KIAA0319L: variants seen among roughly 807,000 people sequenced by gnomAD.
KIAA0319L encodes KIAA0319 like, also known as dyslexia-associated protein KIAA0319-like protein.
In KIAA0319L, 55 loss-of-function variants were observed where a neutral mutation model predicts 120.1. That is an observed-to-expected ratio of 0.46 (90% CI 0.37 to 0.57). The LOEUF (loss-of-function observed/expected upper bound fraction) is 0.57, where lower values mean the gene tolerates loss of function less well. KIAA0319L is among the 20% of genes least tolerant of loss of function. The probability of loss-of-function intolerance (pLI) is 0.00; values close to 1 mark genes in which losing one functional copy is unlikely to be tolerated. For missense variants in KIAA0319L, 1,049 were observed against 1,255.3 expected (o/e 0.84, Z 2.48); for synonymous variants, 398 against 471.9 (o/e 0.84, Z 2.03).
chr1:35,452,359 TGTGG>T (rs1468667113), intron 12 of KIAA0319L, among the ~76,000 whole-genome samples: 1 of 152,170 alleles, frequency 6.6e-6, no homozygotes, highest in African/African-American at 2.4e-5. Flanking sequence ...TCTTCCCCCT[TGTGG>T]CCTCAGAGAC....
Position 35,442,963 on chromosome 1 carries a change from G to C in KIAA0319L, c.2722C>G (p.Pro908Ala). ...DSFTKRCICD[P>A]FWMENFIKVQ... ...TTGATGAAATTCTCCATCCAAAAAG[G>C]GTCACAGATACAGCGTTTGGTGAAC... The change falls in exon 18 of 21, where the codon CCT becomes GCT. Residue 908 changes from proline to alanine, a missense_variant. Physicochemically the swap from Pro to Ala is conservative, Grantham distance 27. Coordinates refer to ENST00000325722, the MANE Select transcript of KIAA0319L (RefSeq NM_024874.5). The C allele has an allele frequency of 6.2e-7, 1 of 1,614,120 alleles. No individual in the cohort carries two copies.
chr1:35,507,200 G>C, intron 2 of KIAA0319L, 65 bp from the exon 3 acceptor site: 3 of 1,449,896 alleles, frequency 2.1e-6, no homozygotes, highest in Non-Finnish European at 2.8e-6. Flanking sequence ...TCCATAAAGA[G>C]CCCTGAGAAC....
intron 2 of KIAA0319L, among the ~76,000 whole-genome samples, chr1:35,513,187 G>C (rs534840320): frequency 6.7e-6 from 1 of 148,358 alleles, no homozygotes; most frequent in South Asian, 2.1e-4. Flanking sequence ...CTACTGAGTA[G>C]AGCTTAAATT....
intron 7 of KIAA0319L, among the ~76,000 whole-genome samples, 189 bp from the exon 8 acceptor site, chr1:35,462,902 A>G (rs1642996459): frequency 4.6e-5 from 7 of 152,064 alleles, no homozygotes; most frequent in Admixed American, 4.6e-4. Flanking sequence ...GCTGGGGTGC[A>G]GTGCATGGTT....
At chr1:35,502,455 T>TCATCAC (rs1299795417) in intron 3 of KIAA0319L, among the ~76,000 whole-genome samples, 44 of 151,696 alleles carry the variant, frequency 2.9e-4, no homozygotes, top group African/African-American at 9.9e-4. Context: ...ATCATCATCA[T>TCATCAC]CATCACCATC....
chr1:35,442,971 A>G lies in KIAA0319L; in HGVS notation c.2714T>C (p.Ile905Thr). The G allele has an allele frequency of 6.2e-7, 1 of 1,614,212 alleles. No homozygotes were observed. The highest frequency in any genetic ancestry group is 8.5e-7 in the Non-Finnish European group (1 of 1,180,038). ...GHCDSFTKRC[I>T]CDPFWMENFI... ...ATTCTCCATCCAAAAAGGGTCACAG[A>G]TACAGCGTTTGGTGAACGAGTCACA... Residue 905 changes from isoleucine to threonine, a missense_variant, in exon 18 of 21, where the codon ATC (isoleucine) becomes ACC (threonine). Coordinates refer to ENST00000325722, the MANE Select transcript of KIAA0319L (RefSeq NM_024874.5).
At chr1:35,513,683 A>G (rs1363114488) in intron 2 of KIAA0319L, among the ~76,000 whole-genome samples, 1 of 152,204 alleles carries the variant, frequency 6.6e-6, no homozygotes, top group Non-Finnish European at 1.5e-5. Flanking sequence ...TCTGTAAGAT[A>G]TTAATATTTC....
At chr1:35,505,346 A>T (rs1645169612) in intron 3 of KIAA0319L, among the ~76,000 whole-genome samples, 1 of 152,098 alleles carries the variant, frequency 6.6e-6, no homozygotes, top group Non-Finnish European at 1.5e-5. Context: ...ATGTTTTTTT[A>T]CCACCATTAA....
intron 10 of KIAA0319L, 83 bp downstream of exon 10, chr1:35,455,930 A>AGTTT: frequency 9.6e-7 from 1 of 1,041,808 alleles, no homozygotes; most frequent in Non-Finnish European, 1.4e-6. Context: ...AAGCTTTCTC[A>AGTTT]GTTTGTTTGG....
intron 2 of KIAA0319L, among the ~76,000 whole-genome samples, chr1:35,513,433 A>G (rs1645555827): frequency 6.6e-6 from 1 of 151,560 alleles, no homozygotes; most frequent in African/African-American, 2.4e-5. Flanking sequence ...CAGGCAACAT[A>G]GCGAGACCTT....
At chr1:35,519,525 A>C (rs1645824918) in intron 2 of KIAA0319L, among the ~76,000 whole-genome samples, 1 of 152,198 alleles carries the variant, frequency 6.6e-6, no homozygotes. Flanking sequence ...AAATAAAAGT[A>C]AAACCACTTA....
intron 2 of KIAA0319L, among the ~76,000 whole-genome samples, chr1:35,532,121 G>A (rs542285443): frequency 2.6e-5 from 4 of 152,002 alleles, no homozygotes; most frequent in East Asian, 1.9e-4. Flanking sequence ...TTAGCCGGGC[G>A]TGGTGGTAGG....
At chr1:35,545,355 A>G (rs939019356) in intron 2 of KIAA0319L, among the ~76,000 whole-genome samples, 1 of 152,158 alleles carries the variant, frequency 6.6e-6, no homozygotes, top group Non-Finnish European at 1.5e-5. Flanking sequence ...TCTAGAGCAA[A>G]ACCTACTCTG....
rs144089783 is a variant in KIAA0319L at position 35,537,043 on chromosome 1, T to G, written c.142+17307A>C. ...CACAGCTTGAAGGAGCCCACACCTC[T>G]CTATGTAATACTGTCTTTGTACTTC... On this transcript the variant is annotated intron_variant, in intron 2 of 20. Transcript: ENST00000325722. Among the ~76,000 whole-genome samples the G allele has an allele frequency of 3.3e-3, 506 of 152,328 alleles. 2 individuals carry two copies. Among genetic ancestry groups the G allele is most frequent in the Non-Finnish European group, 4.6e-3 (316 of 68,028 alleles).
intron 2 of KIAA0319L, among the ~76,000 whole-genome samples, chr1:35,519,445 C>T (rs1645821786): frequency 6.6e-6 from 1 of 152,216 alleles, no homozygotes; most frequent in Admixed American, 6.5e-5. Context: ...ACATTTCCAG[C>T]TCAGGCTGCT....
intron 3 of KIAA0319L, among the ~76,000 whole-genome samples, chr1:35,481,163 A>G (rs570301242): frequency 6.6e-6 from 1 of 152,342 alleles, no homozygotes; most frequent in South Asian, 2.1e-4. Flanking sequence ...TCCATTATAG[A>G]AATACACAAA....
rs553128858 is a variant in KIAA0319L, at chr1:35,489,809, G to A, written c.667-10597C>T. Among the ~76,000 whole-genome samples, 34 of 151,952 alleles carry A rather than the reference G, an allele frequency of 2.2e-4. No homozygotes were observed. The East Asian group carries it at 5.6e-3, about 25-fold the overall frequency. On this transcript the variant is annotated intron_variant, in intron 3 of 20. Coordinates refer to ENST00000325722, the MANE Select transcript of KIAA0319L (RefSeq NM_024874.5). ...AGCCTCCCAAATAGCTGAGATTACA[G>A]GCGCCTGCCACTGTGCCCGGCTAAT... is the stretch of plus-strand genomic sequence containing the variant.
chr1:35,470,255 G>A (rs986421181), intron 6 of KIAA0319L, among the ~76,000 whole-genome samples: 3 of 152,040 alleles, frequency 2.0e-5, no homozygotes, highest in African/African-American at 7.2e-5. Context: ...CACTTTGGAA[G>A]GCTGAGATGG....
At chr1:35,532,447 T>C (rs538427522) in intron 2 of KIAA0319L, among the ~76,000 whole-genome samples, 15 of 152,302 alleles carry the variant, frequency 9.8e-5, no homozygotes, top group South Asian at 6.2e-4. Context: ...TAAAAGACAG[T>C]TAACATCTTA....
Sources: allele counts gnomAD v4.1 joint callset (sites outside exome capture counted in the v4.1 genomes callset), GRCh38; gene constraint gnomAD v4.1.1; transcripts MANE v1.5; gene names NCBI Gene and HGNC (gene_info 2026-07-23, HGNC 2026-07-21).